The following TAF1B variants were observed in gnomAD, a reference collection of about 807,000 sequenced individuals.
TAF1B encodes the protein TATA-box binding protein associated factor, RNA polymerase I subunit B.
In TAF1B, 61 loss-of-function variants were observed where a neutral mutation model predicts 83.9. The ratio of observed to expected loss-of-function variants is 0.73; its 90% CI spans 0.59 to 0.90. The LOEUF is 0.90. TAF1B is among the 40% of genes least tolerant of loss of function. The pLI is 0.00. For synonymous variants in TAF1B, 221 were observed against 224.6 expected (o/e 0.98, Z 0.14); for missense variants, 625 against 677.0 (o/e 0.92, Z 0.85).
chr2:9,929,501 T>C (rs1434341565), intron 14 of TAF1B, among the ~76,000 whole-genome samples: 1 of 152,194 alleles, frequency 6.6e-6, no homozygotes, highest in Non-Finnish European at 1.5e-5. Context: ...GATTTGCGTA[T>C]GTTGAACCAG....
At chr2:9,875,135 G>C (rs1664285014) in intron 6 of TAF1B, among the ~76,000 whole-genome samples, 1 of 151,746 alleles carries the variant, frequency 6.6e-6, no homozygotes, top group African/African-American at 2.4e-5. Context: ...CTAATTTTTT[G>C]TATTTTTTAG....
Position 9,914,155 on chromosome 2 carries a change from A to T in TAF1B, c.1271+906A>T, listed in dbSNP as rs1339714024. Among the ~76,000 whole-genome samples, 1 of 152,188 alleles carries T rather than the reference A, an allele frequency of 6.6e-6. No individual in the cohort carries two copies. Among genetic ancestry groups the T allele is most frequent in the Non-Finnish European group, 1.5e-5 (1 of 68,016 alleles). ...TTCCTCTAAATTTCAGAGGGCTTTT[A>T]AATAGAAAAACAGACTCTTGGGGTA... On this transcript the variant is annotated intron_variant, in intron 12 of 14. Transcript: ENST00000263663. The surrounding 1 kb of genome is among the most constrained non-coding windows in gnomAD (Gnocchi z 4.3).
rs1461709808 is a variant in TAF1B at position 9,852,811 on chromosome 2, G to A, written c.303+1173G>A. 2.0e-5 allele frequency among the ~76,000 whole-genome samples: 3 copies of A among 152,008 alleles called. No individual in the cohort carries two copies. In the East Asian group the frequency reaches 5.8e-4, roughly 29 times the overall value. Reference sequence around the variant, plus strand: ...CTGGCCCTCATAAGTGATATTAAAGGCAAAAAAAGAACAGAGAAAGATCAA... The same window carrying A: ...CTGGCCCTCATAAGTGATATTAAAGACAAAAAAAGAACAGAGAAAGATCAA... On this transcript the variant is annotated intron_variant, in intron 4 of 14. Coordinates refer to ENST00000263663, the MANE Select transcript of TAF1B (RefSeq NM_005680.3).
chr2:9,857,953 C>T (rs1295287600), intron 5 of TAF1B, among the ~76,000 whole-genome samples: 5 of 152,074 alleles, frequency 3.3e-5, no homozygotes, highest in African/African-American at 1.2e-4. Context: ...ATCATTCCAC[C>T]CCTGCCCCCT....
chr2:9,875,287 C>T (rs956238903), intron 6 of TAF1B, among the ~76,000 whole-genome samples: 1 of 152,120 alleles, frequency 6.6e-6, no homozygotes, highest in African/African-American at 2.4e-5. Context: ...AGAATCCTGT[C>T]CCATCCCACT....
chr2:9,926,794 G>A (rs1182149199), intron 14 of TAF1B, among the ~76,000 whole-genome samples: 40 of 121,364 alleles, frequency 3.3e-4, no homozygotes, highest in Non-Finnish European at 2.6e-4. Context: ...AGCGGGGTGA[G>A]ACTCTGTCTC....
At chr2:9,921,125 T>C (rs1423848281) in intron 14 of TAF1B, among the ~76,000 whole-genome samples, 2 of 152,214 alleles carry the variant, frequency 1.3e-5, no homozygotes, top group African/African-American at 2.4e-5. Context: ...GAGGTCTTGC[T>C]GTGTCACCCA....
chr2:9,894,398 C>G (rs776913941), intron 8 of TAF1B, among the ~76,000 whole-genome samples: 3 of 151,940 alleles, frequency 2.0e-5, no homozygotes, highest in African/African-American at 7.3e-5. Flanking sequence ...AAAAAACATT[C>G]TATTAAATTT....
At position 9,852,496 on chromosome 2, in the gene TAF1B, A is replaced by AT. The variant is rs77080337; in HGVS notation, c.303+869dup. Among the ~76,000 whole-genome samples the AT allele has an allele frequency of 6.9e-3, 1,028 of 149,170 alleles. 9 individuals carry two copies. The highest frequency in any genetic ancestry group is 0.021 in the African/African-American group (871 of 40,754). ...AATTTATATGGTGATATGCTAAGTG[A>AT]TTTTTTTTTTTAAGAGACGGAGTCT... On this transcript the variant is annotated intron_variant, in intron 4 of 14. Coordinates refer to ENST00000263663, the MANE Select transcript of TAF1B (RefSeq NM_005680.3).
chr2:9,920,792 G>A (rs1250628163), intron 14 of TAF1B, among the ~76,000 whole-genome samples: 1 of 152,210 alleles, frequency 6.6e-6, no homozygotes, highest in Admixed American at 6.5e-5. Flanking sequence ...TCTGTCGAGT[G>A]TGGGCATGTG....
chr2:9,875,661 C>T (rs1033452096), intron 6 of TAF1B, among the ~76,000 whole-genome samples: 1 of 152,116 alleles, frequency 6.6e-6, no homozygotes, highest in Non-Finnish European at 1.5e-5. Context: ...ATGGAAAAAA[C>T]CCGCCCCCAT....
At chr2:9,852,246 C>G (rs542860608) in intron 4 of TAF1B, 18 of 202,462 alleles carry the variant, frequency 8.9e-5, no homozygotes, top group African/African-American at 3.5e-4. Flanking sequence ...GTCTGGGGAC[C>G]ACTCTTTGAC....
chr2:9,920,846 A>G (rs187428913), intron 14 of TAF1B, among the ~76,000 whole-genome samples: 2 of 152,274 alleles, frequency 1.3e-5, no homozygotes, highest in Non-Finnish European at 2.9e-5. Flanking sequence ...TTGGGTCTGG[A>G]TAAAATAGGA....
rs371468217 is a variant in TAF1B, at chr2:9,849,476, A to T, written c.205+16A>T. 2.7e-6 allele frequency: 4 copies of T among 1,498,768 alleles called. No individual in the cohort carries two copies. Among genetic ancestry groups the T allele is most frequent in the Non-Finnish European group, 3.6e-6 (4 of 1,115,298 alleles). 92.8% of individuals were successfully genotyped at this position (1,498,768 alleles called of 1,614,324 possible). ...AACAATACTGGTAAGTTCTTTCTTCATATGTACTTAACATTCTTTATTCAC... is the reference window on the plus strand; with the variant it reads ...AACAATACTGGTAAGTTCTTTCTTCTTATGTACTTAACATTCTTTATTCAC... On this transcript the variant is annotated intron_variant, in intron 3 of 14. Coordinates refer to ENST00000263663, the MANE Select transcript of TAF1B (RefSeq NM_005680.3).
Position 9,919,727 on chromosome 2 carries a change from G to A in TAF1B, c.1472G>A (p.Gly491Glu), listed in dbSNP as rs1665811560. Reference sequence around the variant, plus strand: ...GACACTGATAGAACGTGTTTCCATGGACACAGCCTTCAGGGAGTCCTGAAA... The same window carrying A: ...GACACTGATAGAACGTGTTTCCATGAACACAGCCTTCAGGGAGTCCTGAAA... ...EEDTDRTCFH[G>E]HSLQGVLKEK... Residue 491 changes from glycine (G) to glutamate (E), a missense_variant, in exon 14 of 15, where the codon GGA (glycine) becomes GAA (glutamate). Transcript: ENST00000263663. 2 of 1,614,166 alleles carry A rather than the reference G, an allele frequency of 1.2e-6. No homozygotes were observed. Among genetic ancestry groups the A allele is most frequent in the Non-Finnish European group, 1.7e-6 (2 of 1,180,018 alleles).
In TAF1B at chr2:9,871,105, T is replaced by G. The variant is rs394952; in HGVS notation, c.553+2676T>G. ...TGTTGTTGTTTTTTTTTTGAGATGGTGTCTTGCTCTGTTGCCCAGGCTGGA... is the reference window on the plus strand; with the variant it reads ...TGTTGTTGTTTTTTTTTTGAGATGGGGTCTTGCTCTGTTGCCCAGGCTGGA... On this transcript the variant is annotated intron_variant, in intron 6 of 14. Transcript: ENST00000263663. Among the ~76,000 whole-genome samples, 426 of 151,626 alleles carry G rather than the reference T, an allele frequency of 2.8e-3. 2 individuals carry two copies. Among genetic ancestry groups the G allele is most frequent in the African/African-American group, 9.6e-3 (395 of 41,308 alleles).
chr2:9,884,541 T>C (rs529250962), intron 8 of TAF1B, among the ~76,000 whole-genome samples: 3 of 152,298 alleles, frequency 2.0e-5, no homozygotes, highest in African/African-American at 7.2e-5. Flanking sequence ...AGCGGGCAGC[T>C]CCTTTCTGCA....
At chr2:9,876,866 G>A (rs924852466) in intron 7 of TAF1B, among the ~76,000 whole-genome samples, 1 of 152,176 alleles carries the variant, frequency 6.6e-6, no homozygotes, top group Non-Finnish European at 1.5e-5. Context: ...TGGAAAGCAC[G>A]TAGAGCAGTG....
chr2:9,862,903 T>C (rs1335262150), intron 5 of TAF1B, among the ~76,000 whole-genome samples: 2 of 152,118 alleles, frequency 1.3e-5, no homozygotes, highest in South Asian at 2.1e-4. Flanking sequence ...CTGAGAGATT[T>C]TGTCACCACC....
Sources: gnomAD v4.1 joint callset for allele counts (sites outside exome capture counted in the v4.1 genomes callset) on GRCh38, gnomAD v4.1.1 for gene constraint, Gnocchi (gnomAD v3.1) non-coding constraint, MANE v1.5 for transcripts, NCBI Gene and HGNC (gene_info 2026-07-23, HGNC 2026-07-21) for gene names.